Variants in CLUAP1 observed in about 807,000 individuals in gnomAD.
The protein encoded by CLUAP1 is clusterin-associated protein 1.
CLUAP1 carries 50 observed loss-of-function variants against 55.0 expected under a neutral mutation model. That is an observed-to-expected ratio of 0.91 (90% CI 0.72 to 1.15). The LOEUF (loss-of-function observed/expected upper bound fraction) is 1.15. Among genes scored for constraint, CLUAP1 ranks in the 50% most tolerant of loss-of-function variants. The pLI is 0.00. For synonymous variants in CLUAP1, 195 were observed against 175.4 expected (o/e 1.11, Z -0.88); for missense variants, 530 against 507.6 (o/e 1.04, Z -0.42).
In CLUAP1 at chr16:3,512,439, A is replaced by G. The variant is rs761496525; in HGVS notation, c.456A>G (p.Ala152=). The G allele has an allele frequency of 1.1e-5, 17 of 1,613,992 alleles. No individual in the cohort carries two copies. Among genetic ancestry groups the G allele is most frequent in the South Asian group, 2.2e-5 (2 of 91,078 alleles). Reference sequence around the variant, plus strand: ...CGTCTGAAATCACCTCCAAAGGAGCATCTCTGTATGACTTGCTCGGCATGG... The same window carrying G: ...CGTCTGAAATCACCTCCAAAGGAGCGTCTCTGTATGACTTGCTCGGCATGG... ...QLASEITSKG[A]SLYDLLGMEV... The change falls in exon 5 of 12, where the codon GCA becomes GCG. Residue 152 remains alanine (A), a synonymous_variant. Transcript: ENST00000576634.
chr16:3,529,734 T>TATAATATA (rs1567440209), intron 9 of CLUAP1, among the ~76,000 whole-genome samples: 1 of 24,658 alleles, frequency 4.1e-5, no homozygotes, highest in African/African-American at 1.9e-4. Context: ...ATTATATATA[T>TATAATATA]TATTATATAT....
intron 9 of CLUAP1, among the ~76,000 whole-genome samples, chr16:3,529,849 A>G (rs1374838147): frequency 3.4e-5 from 2 of 58,668 alleles, no homozygotes; most frequent in Non-Finnish European, 5.9e-5. Context: ...ATTATATAAT[A>G]TATATTTTAT....
At chr16:3,524,321 G>A (rs62031818) in intron 8 of CLUAP1, among the ~76,000 whole-genome samples, 2 of 151,034 alleles carry the variant, frequency 1.3e-5, no homozygotes, top group Non-Finnish European at 3.0e-5. Flanking sequence ...AAAAAAAAGG[G>A]CCGGGCGCGG....
chr16:3,508,495 G>A (rs2037553373), intron 4 of CLUAP1, 27 bp downstream of exon 4: 1 of 1,516,284 alleles, frequency 6.6e-7, no homozygotes, highest in South Asian at 1.3e-5. Flanking sequence ...CCTTGTAGTG[G>A]GCGATGGAGC....
Position 3,519,141 on chromosome 16 carries a change from A to G in CLUAP1, c.580-762A>G, listed in dbSNP as rs116349685. Among the ~76,000 whole-genome samples, 562 of 152,272 alleles carry G rather than the reference A, an allele frequency of 3.7e-3. 4 individuals are homozygous for G. Among genetic ancestry groups the G allele is most frequent in the African/African-American group, 0.013 (532 of 41,550 alleles). The stretch of plus-strand genomic sequence containing the variant: ...AAGACGGCGCACTACCAGTGACTCT[A>G]CCTGCTTCAAATGAACCTTCTCTTA... On this transcript the variant is annotated intron_variant, in intron 6 of 11. Transcript: ENST00000576634.
intron 6 of CLUAP1, 30 bp from the exon 7 acceptor site, chr16:3,519,873 C>T: frequency 1.3e-6 from 2 of 1,559,254 alleles, no homozygotes; most frequent in Non-Finnish European, 1.7e-6. Context: ...TTTATTGCCA[C>T]CTTGTCTCAT....
chr16:3,508,314 A>G lies in CLUAP1; in HGVS notation c.245A>G (p.Asn82Ser). The change falls in exon 4 of 12, where the codon AAC (asparagine) becomes AGC (serine). Residue 82 changes from asparagine to serine, a missense_variant. By Grantham distance (46) the Asn-to-Ser change is conservative. Transcript: ENST00000576634. ...FMATKAHIKLNTKKLYQADGY... is the reference protein window; with the variant it reads ...FMATKAHIKLSTKKLYQADGY... ...GCCACCAAGGCACATATAAAACTCA[A>G]CACTAAGAAGCTTTATCAAGCAGAT... 1.2e-6 allele frequency: 2 copies of G among 1,603,908 alleles called. No individual in the cohort carries two copies. The highest frequency in any genetic ancestry group is 1.3e-5 in the African/African-American group (1 of 74,276).
intron 9 of CLUAP1, among the ~76,000 whole-genome samples, chr16:3,529,851 A>AT (rs1265940615): frequency 1.9e-5 from 1 of 52,242 alleles, no homozygotes; most frequent in Non-Finnish European, 3.4e-5. Flanking sequence ...TATATAATAT[A>AT]TATTTTATAA....
chr16:3,515,253 C>G (rs550416799), intron 5 of CLUAP1: 13 of 301,040 alleles, frequency 4.3e-5, no homozygotes, highest in African/African-American at 2.9e-4. Flanking sequence ...ATGCTAAGTT[C>G]AGTTTTGCTC....
rs113221305 is a variant in CLUAP1, at chr16:3,529,066, T to G, written c.929-1502T>G. Among the ~76,000 whole-genome samples the G allele has an allele frequency of 5.7e-3, 870 of 152,052 alleles. 13 individuals carry two copies. Among genetic ancestry groups the G allele is most frequent in the African/African-American group, 0.019 (804 of 41,462 alleles). ...TCATCCCTCAATATCTGCGAAGAACTGGTGCCAGAACCCACCTGTGGATAC... is the reference window on the plus strand; with the variant it reads ...TCATCCCTCAATATCTGCGAAGAACGGGTGCCAGAACCCACCTGTGGATAC... On this transcript the variant is annotated intron_variant, in intron 9 of 11. Coordinates refer to ENST00000576634, the MANE Select transcript of CLUAP1 (RefSeq NM_015041.3).
chr16:3,516,522 C>T (rs1426687845), intron 6 of CLUAP1, among the ~76,000 whole-genome samples: 1 of 152,030 alleles, frequency 6.6e-6, no homozygotes, highest in East Asian at 1.9e-4. Flanking sequence ...AATGGAGCCA[C>T]GTTCCTCACT....
upstream of CLUAP1, among the ~76,000 whole-genome samples, chr16:3,496,983 G>A (rs1420724885): frequency 1.3e-5 from 2 of 150,764 alleles, no homozygotes; most frequent in East Asian, 3.9e-4. Flanking sequence ...AGCTTCTCCT[G>A]CCTCGGCCTC....
At chr16:3,499,843 T>C (rs552380471), upstream of CLUAP1, among the ~76,000 whole-genome samples, 3 of 152,346 alleles carry the variant, frequency 2.0e-5, no homozygotes, top group East Asian at 3.9e-4. Context: ...GAATCGCTAG[T>C]GCAAGGTGCC....
intron 10 of CLUAP1, among the ~76,000 whole-genome samples, chr16:3,531,062 T>C (rs749188543): frequency 3.3e-5 from 5 of 152,186 alleles, no homozygotes; most frequent in Admixed American, 6.5e-5. Flanking sequence ...TCACAAAAGA[T>C]TCAAGCAACA....
intron 2 of CLUAP1, among the ~76,000 whole-genome samples, chr16:3,505,510 G>C (rs552617988): frequency 6.9e-6 from 1 of 144,972 alleles, no homozygotes; most frequent in Non-Finnish European, 1.5e-5. Flanking sequence ...TAGCGCCACT[G>C]CAGTTCAGCC....
chr16:3,513,322 T>C (rs2037668499), intron 5 of CLUAP1, among the ~76,000 whole-genome samples: 1 of 152,214 alleles, frequency 6.6e-6, no homozygotes, highest in Non-Finnish European at 1.5e-5. Flanking sequence ...TCAGCTGAAG[T>C]TGATGTTGCA....
At chr16:3,522,593 G>C (rs1245750449) in intron 7 of CLUAP1, among the ~76,000 whole-genome samples, 1 of 152,034 alleles carries the variant, frequency 6.6e-6, no homozygotes, top group Non-Finnish European at 1.5e-5. Context: ...TGGAGGGCTG[G>C]AGTGCCACGG....
chr16:3,496,829 A>T, upstream of CLUAP1: 6 of 296,668 alleles, frequency 2.0e-5, no homozygotes, highest in East Asian at 9.5e-5. Flanking sequence ...AAAACATTCA[A>T]TTTTCTCTTG....
intron 4 of CLUAP1, among the ~76,000 whole-genome samples, chr16:3,509,659 G>C (rs183520897): frequency 2.0e-5 from 3 of 152,340 alleles, no homozygotes; most frequent in Admixed American, 2.0e-4. Context: ...AGGCCCCGGG[G>C]CTGGGAGTGC....
Sources: gnomAD v4.1 joint callset for allele counts (sites outside exome capture counted in the v4.1 genomes callset) on GRCh38, gnomAD v4.1.1 for gene constraint, MANE v1.5 for transcripts, NCBI Gene and HGNC (gene_info 2026-07-23, HGNC 2026-07-21) for gene names.